TBCE: variants seen among roughly 807,000 people sequenced by gnomAD.
TBCE encodes the protein tubulin-specific chaperone E.
In TBCE, 53 loss-of-function variants were observed where a neutral mutation model predicts 77.0. The observed-to-expected ratio is 0.69, with a 90% CI of 0.55 to 0.87. The LOEUF (loss-of-function observed/expected upper bound fraction) is 0.87, where lower values mean the gene tolerates loss of function less well. Ranked by LOEUF, TBCE falls within the 40% of genes least tolerant of loss-of-function variation. TBCE has a pLI of 0.00. For missense variants in TBCE, 624 were observed against 622.4 expected, an observed-to-expected ratio of 1.00 and a Z score of -0.03; for synonymous variants, 235 against 241.3, an observed-to-expected ratio of 0.97 and a Z score of 0.24.
intron 6 of TBCE, chr1:235,429,054 TCTCGGCTCA>T (rs1341561190): frequency 6.7e-6 from 1 of 148,706 alleles, no homozygotes; most frequent in East Asian, 2.0e-4. Flanking sequence ...AATGGCGCGA[TCTCGGCTCA>T]CTGCAGCTTC....
chr1:235,452,392 T>A lies in TBCE; in HGVS notation c.*3630T>A, dbSNP rs1311315244. 3 of 152,182 alleles carry A rather than the reference T, an allele frequency of 2.0e-5. No individual in the cohort carries two copies. In the East Asian group the frequency reaches 5.8e-4, roughly 29 times the overall value. The allele number at this position is 152,182 out of a possible 1,614,324, so 9.4% of individuals were successfully genotyped here. A position where few individuals can be genotyped will look rare whatever the true frequency, so the allele number is the denominator to read the frequency against. On this transcript the variant is annotated 3_prime_UTR_variant, in exon 17 of 17. Transcript: ENST00000642610. ...GCTTTAAACTCAGAAAAATACTGTA[T>A]GAGAAATAACCTAGTGGATTATTGT...
At chr1:235,406,251 C>A in intron 3 of TBCE, among the ~76,000 whole-genome samples, 1 of 152,046 alleles carries the variant, frequency 6.6e-6, no homozygotes, top group Non-Finnish European at 1.5e-5. Context: ...TTTAACTGGT[C>A]CTTTAGAGTT....
chr1:235,435,753 A>G lies in TBCE; in HGVS notation c.746A>G (p.Asp249Gly). Residue 249 changes from aspartate (D) to glycine (G), a missense_variant, in exon 9 of 17, where the codon GAT (aspartate) becomes GGT (glycine). Transcript: ENST00000642610. ...TTTTATTTTCCATACAGGCCAACAGATGTTCTCCAGACAGTCAAGTTATTA... is the reference window on the plus strand; with the variant it reads ...TTTTATTTTCCATACAGGCCAACAGGTGTTCTCCAGACAGTCAAGTTATTA... ...NNIFISERPT[D>G]VLQTVKLLDL... 2 of 1,614,018 alleles carry G rather than the reference A, an allele frequency of 1.2e-6. No individual in the cohort carries two copies. The highest frequency in any genetic ancestry group is 1.1e-5 in the South Asian group (1 of 91,084).
intron 15 of TBCE, among the ~76,000 whole-genome samples, chr1:235,448,107 G>A (rs567265483): frequency 6.6e-6 from 1 of 151,910 alleles, no homozygotes; most frequent in Admixed American, 6.6e-5. Context: ...GGCTGAGGCA[G>A]GAGAATTGTT....
At chr1:235,368,598 C>CT (rs1676712232) in intron 1 of TBCE, among the ~76,000 whole-genome samples, 1 of 119,766 alleles carries the variant, frequency 8.3e-6, no homozygotes, top group African/African-American at 3.5e-5. Flanking sequence ...TGCTCTGTCG[C>CT]CCAAGGCTGG....
At chr1:235,438,413 T>C (rs1344582432) in intron 12 of TBCE, among the ~76,000 whole-genome samples, 1 of 152,150 alleles carries the variant, frequency 6.6e-6, no homozygotes, top group Non-Finnish European at 1.5e-5. Context: ...CCAGGCATTG[T>C]GGCATGCACC....
chr1:235,420,760 C>T (rs1054447263), intron 5 of TBCE, among the ~76,000 whole-genome samples: 21 of 152,132 alleles, frequency 1.4e-4, no homozygotes, highest in African/African-American at 5.1e-4. Context: ...GAATTACAGG[C>T]GTGAGCCACC....
intron 2 of TBCE, among the ~76,000 whole-genome samples, chr1:235,400,694 C>T (rs1679047878): frequency 6.7e-6 from 1 of 149,836 alleles, no homozygotes; most frequent in African/African-American, 2.5e-5. Context: ...GCCACTGTGC[C>T]CAGCCTTTTT....
At chr1:235,410,344 T>C (rs1408196341) in intron 3 of TBCE, among the ~76,000 whole-genome samples, 2 of 152,152 alleles carry the variant, frequency 1.3e-5, no homozygotes, top group East Asian at 3.9e-4. Flanking sequence ...ATTTCTTGAG[T>C]ATATGCTAAA....
chr1:235,402,611 T>C (rs769181930), intron 3 of TBCE, among the ~76,000 whole-genome samples: 2 of 152,038 alleles, frequency 1.3e-5, no homozygotes, highest in African/African-American at 2.4e-5. Flanking sequence ...TTTTTAACAG[T>C]CTTTTTTGTT....
In TBCE at chr1:235,450,056, A is replaced by G; in HGVS notation, c.*1294A>G. On this transcript the variant is annotated 3_prime_UTR_variant, in exon 17 of 17. Coordinates refer to ENST00000642610, the MANE Select transcript of TBCE (RefSeq NM_003193.5). ...TAAGGAAATTTGTGCAAACATTAAG[A>G]AACACCGCATTGGTTCTGGGTGAAA... 2.2e-6 allele frequency: 2 copies of G among 899,838 alleles called. No homozygotes were observed. Among genetic ancestry groups the G allele is most frequent in the Middle Eastern group, 3.5e-4 (1 of 2,860 alleles). The allele number at this position is 899,838 out of a possible 1,614,324, so 55.7% of individuals were successfully genotyped here. A position where few individuals can be genotyped will look rare whatever the true frequency, so the allele number is the denominator to read the frequency against.
chr1:235,393,371 T>C (rs1678517628), intron 2 of TBCE, among the ~76,000 whole-genome samples: 1 of 152,146 alleles, frequency 6.6e-6, no homozygotes, highest in African/African-American at 2.4e-5. Flanking sequence ...ACCCTGTCTC[T>C]ACTAAAAATA....
At chr1:235,389,793 C>T (rs986501588) in intron 2 of TBCE, among the ~76,000 whole-genome samples, 1 of 151,954 alleles carries the variant, frequency 6.6e-6, no homozygotes, top group Non-Finnish European at 1.5e-5. Flanking sequence ...GTTAATCGTG[C>T]ATATTGTTGT....
chr1:235,401,826 CTTTTTTTT>C (rs11285286), intron 3 of TBCE, among the ~76,000 whole-genome samples: 3 of 88,604 alleles, frequency 3.4e-5, no homozygotes, highest in Non-Finnish European at 6.3e-5. Context: ...TTTCTTCGTC[CTTTTTTTT>C]TTTTTTTTTT....
At chr1:235,391,610 T>G (rs1163462592) in intron 2 of TBCE, among the ~76,000 whole-genome samples, 1 of 137,156 alleles carries the variant, frequency 7.3e-6, no homozygotes, top group East Asian at 2.1e-4. Flanking sequence ...CTTTTTTTTT[T>G]TTTTTTTTTT....
intron 15 of TBCE, among the ~76,000 whole-genome samples, chr1:235,443,211 AT>A (rs1482405001): frequency 2.7e-5 from 4 of 147,476 alleles, no homozygotes; most frequent in African/African-American, 9.9e-5. Flanking sequence ...CACACACACA[AT>A]TTTTTTTGAG....
chr1:235,443,678 T>C (rs1306891699), intron 15 of TBCE, among the ~76,000 whole-genome samples: 1 of 152,006 alleles, frequency 6.6e-6, no homozygotes, highest in Non-Finnish European at 1.5e-5. Context: ...TTACGGGAGG[T>C]TTGTGACTTT....
rs1307101737 is a variant in TBCE at position 235,449,132 on chromosome 1, T to G, written c.*370T>G. 3.2e-5 allele frequency: 9 copies of G among 277,702 alleles called. No individual in the cohort carries two copies. Among genetic ancestry groups the G allele is most frequent in the Middle Eastern group, 1.4e-3 (1 of 732 alleles). The allele number at this position is 277,702 out of a possible 1,614,324, so 17.2% of individuals were successfully genotyped here. Reference sequence around the variant, plus strand: ...TAATGGAATTCTCTATTGAAACTACTATTTTAAAGGGTTACTAGAAATGAT... The same window carrying G: ...TAATGGAATTCTCTATTGAAACTACGATTTTAAAGGGTTACTAGAAATGAT... On this transcript the variant is annotated 3_prime_UTR_variant, in exon 17 of 17. Coordinates refer to ENST00000642610, the MANE Select transcript of TBCE (RefSeq NM_003193.5).
At chr1:235,422,521 AAAAAACC>A (rs1429260550) in intron 5 of TBCE, among the ~76,000 whole-genome samples, 3 of 150,552 alleles carry the variant, frequency 2.0e-5, no homozygotes, top group Non-Finnish European at 3.0e-5. Context: ...ATCTCAAAAA[AAAAAACC>A]AAAAAACAAA....
Sources: gnomAD v4.1 joint callset for allele counts (sites outside exome capture counted in the v4.1 genomes callset) on GRCh38, gnomAD v4.1.1 for gene constraint, MANE v1.5 for transcripts, NCBI Gene and HGNC (gene_info 2026-07-23, HGNC 2026-07-21) for gene names.